Variants in ACVR1 observed in about 807,000 individuals in gnomAD.
ACVR1 encodes the protein activin receptor type-1.
Under a neutral mutation model 57.1 loss-of-function variants are expected in ACVR1, and 38 were observed. That is an observed-to-expected ratio of 0.67 (90% CI 0.51 to 0.87). The LOEUF (loss-of-function observed/expected upper bound fraction) is 0.87, where lower values mean the gene tolerates loss of function less well. Among genes scored for constraint, ACVR1 ranks in the 40% least tolerant of loss-of-function variants. ACVR1 has a pLI of 0.00. For missense variants in ACVR1, 463 were observed against 638.2 expected, an observed-to-expected ratio of 0.73 and a Z score of 2.96; for synonymous variants, 212 against 228.1, an observed-to-expected ratio of 0.93 and a Z score of 0.63.
chr2:157,827,660 A>T (rs1368543993), intron 1 of ACVR1, among the ~76,000 whole-genome samples: 1 of 152,194 alleles, frequency 6.6e-6, no homozygotes, highest in Non-Finnish European at 1.5e-5. Context: ...TTAAAATAAG[A>T]TTAAAGTCAA....
Position 157,761,058 on chromosome 2 carries a change from G to C in ACVR1, c.1086C>G (p.Ser362=). ...CCACATCAAGCTGATTGGTGCTCTG[G>C]GAATGCATGACTGCCAGGCCTGAAA... is the stretch of plus-strand genomic sequence containing the variant. ...IADLGLAVMH[S]QSTNQLDVGN... is the part of the protein sequence containing the mutation. Residue 362 remains serine (S), a synonymous_variant, in exon 9 of 11, where the codon TCC becomes TCG. Coordinates refer to ENST00000434821, the MANE Select transcript of ACVR1 (RefSeq NM_001111067.4). 1.2e-6 allele frequency: 2 copies of C among 1,613,994 alleles called. No individual in the cohort carries two copies. The highest frequency in any genetic ancestry group is 1.7e-6 in the Non-Finnish European group (2 of 1,179,988).
chr2:157,754,564 T>A (rs957824772), intron 9 of ACVR1, among the ~76,000 whole-genome samples: 1 of 152,084 alleles, frequency 6.6e-6, no homozygotes, highest in South Asian at 2.1e-4. Context: ...CAGGAAGAAT[T>A]AGAAACTCTG....
intron 1 of ACVR1, among the ~76,000 whole-genome samples, chr2:157,866,337 G>T (rs1466825299): frequency 1.3e-5 from 2 of 152,074 alleles, no homozygotes; most frequent in East Asian, 3.9e-4. Context: ...AAGACTTTTA[G>T]GGATCAAAAG....
intron 1 of ACVR1, among the ~76,000 whole-genome samples, chr2:157,840,589 T>A (rs1057263911): frequency 1.3e-5 from 2 of 152,228 alleles, no homozygotes; most frequent in Admixed American, 1.3e-4. Flanking sequence ...CTCAGAGAGA[T>A]GAGGAAGCTA....
At chr2:157,743,810 G>A (rs1018387473) in intron 9 of ACVR1, among the ~76,000 whole-genome samples, 1 of 151,970 alleles carries the variant, frequency 6.6e-6, no homozygotes, top group South Asian at 2.1e-4. Context: ...AAAAGCTTTC[G>A]AGTTTCAAAG....
At chr2:157,832,428 C>T (rs550907772) in intron 1 of ACVR1, among the ~76,000 whole-genome samples, 5 of 152,122 alleles carry the variant, frequency 3.3e-5, no homozygotes, top group Non-Finnish European at 7.3e-5. Context: ...GGCCAGCCTA[C>T]CTGGAATCCT....
chr2:157,852,235 C>T (rs1310913781), intron 1 of ACVR1, among the ~76,000 whole-genome samples: 2 of 151,966 alleles, frequency 1.3e-5, no homozygotes, highest in Non-Finnish European at 2.9e-5. Context: ...CAGTGGCTCA[C>T]ACCTGTAATC....
At chr2:157,809,412 A>G (rs1166764719) in intron 2 of ACVR1, among the ~76,000 whole-genome samples, 1 of 152,168 alleles carries the variant, frequency 6.6e-6, no homozygotes, top group Non-Finnish European at 1.5e-5. Context: ...ATTTAAATAT[A>G]TCCATCAAAA....
intron 3 of ACVR1, among the ~76,000 whole-genome samples, chr2:157,788,048 C>A (rs1010839340): frequency 2.6e-5 from 4 of 152,152 alleles, no homozygotes; most frequent in Non-Finnish European, 5.9e-5. Flanking sequence ...AAGCAGGGCT[C>A]CAATTTGTTT....
intron 9 of ACVR1, among the ~76,000 whole-genome samples, chr2:157,739,688 T>TAC (rs1684678869): frequency 1.3e-5 from 2 of 152,164 alleles, no homozygotes; most frequent in Admixed American, 1.3e-4. Flanking sequence ...CTGAAAAGCT[T>TAC]CAATTCCCTT....
At chr2:157,847,205 C>T (rs779374070) in intron 1 of ACVR1, among the ~76,000 whole-genome samples, 6 of 152,098 alleles carry the variant, frequency 3.9e-5, no homozygotes, top group Admixed American at 6.5e-5. Context: ...TTTAACGAAA[C>T]AATTATTACC....
intron 1 of ACVR1, among the ~76,000 whole-genome samples, chr2:157,857,739 A>C (rs1180353187): frequency 1.3e-5 from 2 of 152,178 alleles, no homozygotes; most frequent in Non-Finnish European, 1.5e-5. Flanking sequence ...AGAAATCCTA[A>C]TGACATTTAT....
chr2:157,810,312 C>T (rs1210899867), intron 2 of ACVR1, among the ~76,000 whole-genome samples: 1 of 152,146 alleles, frequency 6.6e-6, no homozygotes, highest in East Asian at 1.9e-4. Flanking sequence ...TGCCATTTAA[C>T]ATGAGGCAAG....
intron 1 of ACVR1, among the ~76,000 whole-genome samples, chr2:157,834,360 T>C (rs1688701425): frequency 6.6e-6 from 1 of 152,132 alleles, no homozygotes; most frequent in Admixed American, 6.5e-5. Flanking sequence ...CCCAAAGTGC[T>C]AGGATTATAG....
chr2:157,826,836 G>A lies in ACVR1; in HGVS notation c.-182-8277C>T, dbSNP rs568766338. On this transcript the variant is annotated intron_variant, in intron 1 of 10. Coordinates refer to ENST00000434821, the MANE Select transcript of ACVR1 (RefSeq NM_001111067.4). ...AAAGGAAAGGGGAGAGGGGAGAGGGGAGAGGGGAAAAGGAAAAGAAGAAGG... is the reference window on the plus strand; with the variant it reads ...AAAGGAAAGGGGAGAGGGGAGAGGGAAGAGGGGAAAAGGAAAAGAAGAAGG... 2.1e-4 allele frequency among the ~76,000 whole-genome samples: 29 copies of A among 135,520 alleles called. 1 individual carries two copies. In the South Asian group the frequency reaches 5.6e-3, roughly 26 times the overall value. The allele number at this position is 135,520 out of a possible 152,430, so 88.9% of individuals were successfully genotyped here.
intron 1 of ACVR1, among the ~76,000 whole-genome samples, chr2:157,844,715 C>T (rs1021290709): frequency 6.6e-6 from 1 of 152,162 alleles, no homozygotes; most frequent in African/African-American, 2.4e-5. Flanking sequence ...ACCTCAAGAG[C>T]TGCTGTGGTC....
intron 9 of ACVR1, among the ~76,000 whole-genome samples, chr2:157,760,305 T>C (rs1286789624): frequency 2.0e-5 from 3 of 151,804 alleles, no homozygotes; most frequent in Non-Finnish European, 4.4e-5. Context: ...GGAATAGGGG[T>C]GAGGATAGCA....
At chr2:157,834,826 C>T (rs1002395524) in intron 1 of ACVR1, among the ~76,000 whole-genome samples, 8 of 152,218 alleles carry the variant, frequency 5.3e-5, no homozygotes, top group Middle Eastern at 6.8e-3. Context: ...AGCAGGGCCT[C>T]GTGGGATGAG....
intron 3 of ACVR1, among the ~76,000 whole-genome samples, chr2:157,793,108 C>T (rs986021093): frequency 3.3e-5 from 5 of 152,288 alleles, no homozygotes; most frequent in African/African-American, 9.6e-5. Flanking sequence ...TACAAACCTT[C>T]TGCTTTACAA....
Sources: allele counts gnomAD v4.1 joint callset (sites outside exome capture counted in the v4.1 genomes callset), GRCh38; gene constraint gnomAD v4.1.1; transcripts MANE v1.5; gene names NCBI Gene and HGNC (gene_info 2026-07-23, HGNC 2026-07-21).